CAMTA1: variants seen among roughly 807,000 people sequenced by gnomAD.
CAMTA1 encodes the protein calmodulin-binding transcription activator 1.
In CAMTA1, 27 loss-of-function variants were observed where a neutral mutation model predicts 170.9. The observed-to-expected ratio is 0.16, with a 90% CI of 0.12 to 0.22. CAMTA1 has a LOEUF of 0.22. Among genes scored for constraint, CAMTA1 ranks in the 10% least tolerant of loss-of-function variants. The pLI, the probability that CAMTA1 is intolerant of heterozygous loss-of-function variation, is 1.00. For missense variants in CAMTA1, 1,619 were observed against 2,217.2 expected, an observed-to-expected ratio of 0.73 and a Z score of 5.42; for synonymous variants, 833 against 891.5, an observed-to-expected ratio of 0.93 and a Z score of 1.17.
intron 3 of CAMTA1, among the ~76,000 whole-genome samples, chr1:6,861,536 G>A (rs529267068): frequency 6.6e-6 from 1 of 152,122 alleles, no homozygotes; most frequent in Non-Finnish European, 1.5e-5. Flanking sequence ...CTGGTCAGGG[G>A]TTAGCGTGGC....
At chr1:6,976,572 G>A (rs1446924310) in intron 3 of CAMTA1, among the ~76,000 whole-genome samples, 2 of 152,202 alleles carry the variant, frequency 1.3e-5, no homozygotes, top group Admixed American at 1.3e-4. Context: ...CTCGGGAGCA[G>A]TAGAGCATCT....
At chr1:7,298,245 G>T (rs558071438) in intron 5 of CAMTA1, among the ~76,000 whole-genome samples, 1 of 152,242 alleles carries the variant, frequency 6.6e-6, no homozygotes, top group South Asian at 2.1e-4. Flanking sequence ...TAGCATCAGA[G>T]AAACAAATCA....
At chr1:7,743,050 G>T (rs1577348054) in intron 16 of CAMTA1, among the ~76,000 whole-genome samples, 1 of 152,068 alleles carries the variant, frequency 6.6e-6, no homozygotes, top group Non-Finnish European at 1.5e-5. Context: ...ACAGGGTTTC[G>T]CCATATTGCC....
Position 7,532,994 on chromosome 1 carries a change from G to A in CAMTA1, c.510+65093G>A, listed in dbSNP as rs1450422990. On this transcript the variant is annotated intron_variant, in intron 6 of 22. Transcript: ENST00000303635. This position sits in a 1 kb window ranked among gnomAD's most constrained non-coding sequence, Gnocchi z 4.2. The stretch of plus-strand genomic sequence containing the variant: ...TGGGAGGCCCAGGTGGGAGTTGAGG[G>A]TCCCAATAATTAGTACGTTGTTTTC... Among the ~76,000 whole-genome samples the A allele has an allele frequency of 6.6e-6, 1 of 152,188 alleles. No homozygotes were observed. Among genetic ancestry groups the A allele is most frequent in the Non-Finnish European group, 1.5e-5 (1 of 68,028 alleles).
At chr1:7,731,455 C>G (rs929182020) in intron 11 of CAMTA1, among the ~76,000 whole-genome samples, 1 of 151,750 alleles carries the variant, frequency 6.6e-6, no homozygotes, top group African/African-American at 2.4e-5. Flanking sequence ...ATCTGTAGTC[C>G]CAGCTACTTG....
At chr1:7,013,134 C>G (rs1700051760) in intron 3 of CAMTA1, among the ~76,000 whole-genome samples, 3 of 152,142 alleles carry the variant, frequency 2.0e-5, no homozygotes, top group Admixed American at 2.0e-4. Context: ...GCCGCACCTC[C>G]TCCGTGCCAG....
chr1:6,964,356 G>A (rs932011976), intron 3 of CAMTA1, among the ~76,000 whole-genome samples: 4 of 152,016 alleles, frequency 2.6e-5, no homozygotes, highest in Non-Finnish European at 5.9e-5. Context: ...TGGGGAGGGC[G>A]CAGCGTCCTG....
intron 3 of CAMTA1, among the ~76,000 whole-genome samples, chr1:7,076,263 T>G (rs1200918587): frequency 6.6e-6 from 1 of 152,204 alleles, no homozygotes; most frequent in African/African-American, 2.4e-5. Flanking sequence ...GAAAAAAAAT[T>G]TAGTCCTCCT....
rs1704954666 is a variant in CAMTA1 at position 7,044,111 on chromosome 1, A to C, written c.235-47193A>C. On this transcript the variant is annotated intron_variant, in intron 3 of 22. Transcript: ENST00000303635. This position sits in a 1 kb window ranked among gnomAD's most constrained non-coding sequence, Gnocchi z 5.0. ...TGCTGCCGCCATCCCCTTCAGTGGG[A>C]ATTTCTCCTGGATGTCTCTGCAGAA... Among the ~76,000 whole-genome samples the C allele has an allele frequency of 1.3e-5, 2 of 152,212 alleles. No homozygotes were observed. Among genetic ancestry groups the C allele is most frequent in the African/African-American group, 4.8e-5 (2 of 41,462 alleles).
intron 5 of CAMTA1, among the ~76,000 whole-genome samples, chr1:7,284,174 C>CTTATTATTA (rs1424647736): frequency 4.6e-5 from 5 of 108,098 alleles, no homozygotes; most frequent in African/African-American, 7.6e-5. Context: ...TCTTCTTCTT[C>CTTATTATTA]TTCTTATTAT....
At chr1:7,029,319 G>A (rs1382271460) in intron 3 of CAMTA1, among the ~76,000 whole-genome samples, 2 of 151,886 alleles carry the variant, frequency 1.3e-5, no homozygotes, top group Admixed American at 6.6e-5. Context: ...GGTTAACACA[G>A]TGAAACCCCG....
chr1:6,802,740 C>CTT (rs575213311), intron 1 of CAMTA1, among the ~76,000 whole-genome samples: 27 of 145,494 alleles, frequency 1.9e-4, no homozygotes, highest in Non-Finnish European at 2.4e-4. Context: ...CTCTCTCTCT[C>CTT]TTTTTTTTTT....
intron 3 of CAMTA1, among the ~76,000 whole-genome samples, chr1:6,917,314 G>A (rs568858410): frequency 4.6e-5 from 7 of 152,216 alleles, no homozygotes; most frequent in East Asian, 1.9e-4. Context: ...CTGGTAAGCC[G>A]TGGTGGTTTA....
intron 3 of CAMTA1, among the ~76,000 whole-genome samples, chr1:6,995,351 A>C (rs1182418762): frequency 1.7e-5 from 2 of 116,930 alleles, no homozygotes; most frequent in Non-Finnish European, 3.2e-5. Flanking sequence ...GCCAGGCTGG[A>C]GTAGTGCAGT....
intron 5 of CAMTA1, among the ~76,000 whole-genome samples, chr1:7,296,340 A>ACC (rs1312118222): frequency 6.6e-6 from 1 of 152,160 alleles, no homozygotes; most frequent in East Asian, 1.9e-4. Flanking sequence ...TTTGATCCCA[A>ACC]CCTGTTTGGC....
At chr1:7,094,559 G>C (rs1641843010) in intron 4 of CAMTA1, among the ~76,000 whole-genome samples, 1 of 152,090 alleles carries the variant, frequency 6.6e-6, no homozygotes. Context: ...TGGTATAGAA[G>C]CTGCAGAGGG....
intron 3 of CAMTA1, among the ~76,000 whole-genome samples, chr1:6,841,168 C>T (rs1487465260): frequency 6.6e-6 from 1 of 152,218 alleles, no homozygotes; most frequent in East Asian, 1.9e-4. Flanking sequence ...CTCACCCTGA[C>T]CTCTTCTGCC....
chr1:7,283,202 T>C (rs753212432), intron 5 of CAMTA1, among the ~76,000 whole-genome samples: 1 of 152,168 alleles, frequency 6.6e-6, no homozygotes, highest in Non-Finnish European at 1.5e-5. Context: ...CAAGATGCAC[T>C]TTACACACTG....
At chr1:6,945,577 G>A (rs1341839192) in intron 3 of CAMTA1, among the ~76,000 whole-genome samples, 1 of 152,048 alleles carries the variant, frequency 6.6e-6, no homozygotes, top group Non-Finnish European at 1.5e-5. Flanking sequence ...TCAAACTCCT[G>A]GGCTCAAGTG....
Sources: gnomAD v4.1 joint callset for allele counts (sites outside exome capture counted in the v4.1 genomes callset) on GRCh38, gnomAD v4.1.1 for gene constraint, Gnocchi (gnomAD v3.1) non-coding constraint, MANE v1.5 for transcripts, NCBI Gene and HGNC (gene_info 2026-07-23, HGNC 2026-07-21) for gene names.